The following UGT1A5 variants were observed in gnomAD, a reference collection of about 807,000 sequenced individuals.
UGT1A5 encodes the protein UDP glucuronosyltransferase family 1 member A5.
In UGT1A5, 29 loss-of-function variants were observed where a neutral mutation model predicts 40.3. The observed-to-expected ratio is 0.72, with a 90% CI of 0.54 to 0.98. The LOEUF (loss-of-function observed/expected upper bound fraction) is 0.98, where lower values mean the gene tolerates loss of function less well. Among genes scored for constraint, UGT1A5 ranks in the 50% least tolerant of loss-of-function variants. The pLI is 0.00. For missense variants in UGT1A5, 678 were observed against 677.9 expected, an observed-to-expected ratio of 1.00 and a Z score of 0.00; for synonymous variants, 257 against 262.5, an observed-to-expected ratio of 0.98 and a Z score of 0.20.
At chr2:233,762,499 T>G (rs1698093030) in intron 1 of UGT1A5, among the ~76,000 whole-genome samples, 1 of 152,234 alleles carries the variant, frequency 6.6e-6, no homozygotes, top group African/African-American at 2.4e-5. Context: ...GCTATTACTT[T>G]TTAAACTATG....
rs1159793731 is a variant in UGT1A5, at chr2:233,751,025, T to C, written c.868-16009T>C. Reference sequence around the variant, plus strand: ...CCAGAATCCCAAATAGTAGATCCAATAGCTTGCACTGTGTGCCTGGAAAAG... The same window carrying C: ...CCAGAATCCCAAATAGTAGATCCAACAGCTTGCACTGTGTGCCTGGAAAAG... On this transcript the variant is annotated intron_variant, in intron 1 of 4. Transcript: ENST00000373414. 8.6e-5 allele frequency among the ~76,000 whole-genome samples: 13 copies of C among 151,868 alleles called. 1 individual carries two copies. Among genetic ancestry groups the C allele is most frequent in the African/African-American group, 2.2e-4 (9 of 41,208 alleles).
intron 1 of UGT1A5, chr2:233,743,733 G>A (rs949975964): frequency 8.8e-6 from 12 of 1,367,248 alleles, no homozygotes; most frequent in Admixed American, 7.6e-5. Flanking sequence ...TAGATATCGC[G>A]TTTCTTGGCG....
intron 1 of UGT1A5, among the ~76,000 whole-genome samples, chr2:233,714,790 A>G (rs2076412745): frequency 6.6e-6 from 1 of 152,236 alleles, no homozygotes; most frequent in Non-Finnish European, 1.5e-5. Flanking sequence ...GCCACATTTC[A>G]AGTGCTCAAT....
At chr2:233,715,749 G>A (rs1295869903) in intron 1 of UGT1A5, among the ~76,000 whole-genome samples, 1 of 152,196 alleles carries the variant, frequency 6.6e-6, no homozygotes, top group Non-Finnish European at 1.5e-5. Flanking sequence ...TCCAGCCTGA[G>A]TGACAGAGCG....
rs375082638 is a variant in UGT1A5 at position 233,764,736 on chromosome 2, G to A, written c.868-2298G>A. Among the ~76,000 whole-genome samples the A allele has an allele frequency of 2.0e-5, 3 of 152,156 alleles. 1 individual carries two copies. The East Asian group carries it at 5.8e-4, about 29-fold the overall frequency. On this transcript the variant is annotated intron_variant, in intron 1 of 4. Coordinates refer to ENST00000373414, the MANE Select transcript of UGT1A5 (RefSeq NM_019078.2). ...CCCAAGAAAGAGGGAGAGAAAGAGGGGAGAGATGTGGTGCAGACCCTAGGG... is the reference window on the plus strand; with the variant it reads ...CCCAAGAAAGAGGGAGAGAAAGAGGAGAGAGATGTGGTGCAGACCCTAGGG...
intron 1 of UGT1A5, among the ~76,000 whole-genome samples, chr2:233,722,845 CTTT>C (rs61550889): frequency 7.4e-6 from 1 of 135,338 alleles, no homozygotes. Flanking sequence ...AAGAATGTTT[CTTT>C]TTTTTTTTTT....
rs1438675423 is a variant in UGT1A5 at position 233,720,224 on chromosome 2, C to CA, written c.867+6367dup. On this transcript the variant is annotated intron_variant, in intron 1 of 4. Coordinates refer to ENST00000373414, the MANE Select transcript of UGT1A5 (RefSeq NM_019078.2). ...TGAAGGTGGGATGGATGCATGTGAT[C>CA]AGAGAATGAAACATGGAGTTCAGTT... is the stretch of plus-strand genomic sequence containing the variant. Among the ~76,000 whole-genome samples the CA allele has an allele frequency of 3.3e-5, 5 of 152,078 alleles. No homozygotes were observed. The East Asian group carries it at 9.6e-4, about 29-fold the overall frequency.
chr2:233,734,671 A>T (rs1355511130), intron 1 of UGT1A5, among the ~76,000 whole-genome samples: 2 of 152,154 alleles, frequency 1.3e-5, no homozygotes, highest in African/African-American at 4.8e-5. Context: ...ATTTCCCTCT[A>T]CACACTGATT....
chr2:233,716,153 A>G (rs2076488369), intron 1 of UGT1A5, among the ~76,000 whole-genome samples: 1 of 152,066 alleles, frequency 6.6e-6, no homozygotes. Flanking sequence ...TTCCATTTCC[A>G]TGGAGATGCA....
Position 233,713,528 on chromosome 2 carries a change from T to C in UGT1A5, c.537T>C (p.Asp179=), listed in dbSNP as rs1471082533. 4.3e-6 allele frequency: 7 copies of C among 1,613,924 alleles called. No individual in the cohort carries two copies. The highest frequency in any genetic ancestry group is 3.3e-5 in the Admixed American group (2 of 60,002). The change falls in exon 1 of 5, where the codon GAT becomes GAC. Residue 179 remains aspartate (D), a synonymous_variant. Transcript: ENST00000373414. The stretch of plus-strand genomic sequence containing the variant: ...TTTTCTTGAGGAACATTCCATGTGA[T>C]TTAGACTTTAAGGGCACACAGTGTC... ...AVFFLRNIPC[D]LDFKGTQCPN... is the part of the protein sequence containing the mutation.
At chr2:233,748,947 C>G (rs900612588) in intron 1 of UGT1A5, among the ~76,000 whole-genome samples, 1 of 151,662 alleles carries the variant, frequency 6.6e-6, no homozygotes, top group Non-Finnish European at 1.5e-5. Context: ...CCCACCCTAT[C>G]CCACTCCAAG....
Position 233,730,035 on chromosome 2 carries a change from A to T in UGT1A5, c.867+16177A>T, listed in dbSNP as rs45599733. The T allele has an allele frequency of 1.0e-3, 1,658 of 1,613,028 alleles. 11 individuals are homozygous for T. In the African/African-American group the frequency reaches 0.02, roughly 19 times the overall value. ...TCATCCAATCAATGTTCCAGGCAAA[A>T]CACTTTTTAAAAAAATGTATTTATT... is the stretch of plus-strand genomic sequence containing the variant. On this transcript the variant is annotated intron_variant, in intron 1 of 4. Transcript: ENST00000373414.
chr2:233,719,241 C>T (rs754909283), intron 1 of UGT1A5: 36 of 1,614,058 alleles, frequency 2.2e-5, no homozygotes, highest in Middle Eastern at 3.3e-4. Flanking sequence ...GATCAGGCAC[C>T]TGAATGCTAC....
chr2:233,717,831 A>C (rs1289598238), intron 1 of UGT1A5: 1 of 455,268 alleles, frequency 2.2e-6, no homozygotes, highest in Non-Finnish European at 4.4e-6. Flanking sequence ...TCTGTTCTGG[A>C]GGAACCATTC....
At chr2:233,752,418 C>G (rs969012523) in intron 1 of UGT1A5, 2 of 152,110 alleles carry the variant, frequency 1.3e-5, no homozygotes, top group African/African-American at 2.4e-5. Context: ...TTCTGAAAAC[C>G]TGATTTATCG....
chr2:233,750,369 G>A (rs1694438903), intron 1 of UGT1A5, among the ~76,000 whole-genome samples: 1 of 151,932 alleles, frequency 6.6e-6, no homozygotes, highest in African/African-American at 2.4e-5. Flanking sequence ...TAAAAGGGAA[G>A]CAGAGCATAA....
chr2:233,754,977 T>C (rs754870869), intron 1 of UGT1A5: 1 of 1,298,334 alleles, frequency 7.7e-7, no homozygotes, highest in Non-Finnish European at 1.0e-6. Context: ...CCTGAAGACC[T>C]CGGCGGGGTC....
chr2:233,716,352 G>C (rs1407267545), intron 1 of UGT1A5, among the ~76,000 whole-genome samples: 1 of 152,166 alleles, frequency 6.6e-6, no homozygotes, highest in African/African-American at 2.4e-5. Context: ...CTACAATGTA[G>C]ATACTTTGTG....
intron 1 of UGT1A5, chr2:233,738,818 A>G (rs779696858): frequency 6.6e-6 from 1 of 152,242 alleles, no homozygotes; most frequent in Non-Finnish European, 1.5e-5. Flanking sequence ...AGAAATTTGA[A>G]TAAATAAGGA....
Sources: gnomAD v4.1 joint callset for allele counts (sites outside exome capture counted in the v4.1 genomes callset) on GRCh38, gnomAD v4.1.1 for gene constraint, MANE v1.5 for transcripts, NCBI Gene and HGNC (gene_info 2026-07-23, HGNC 2026-07-21) for gene names.